The following RGS9 variants were observed in gnomAD, a reference collection of about 807,000 sequenced individuals.
RGS9 encodes regulator of G protein signaling 9, also known as regulator of G-protein signalling 9.
In RGS9, 78 loss-of-function variants were observed where a neutral mutation model predicts 102.0. The ratio of observed to expected loss-of-function variants is 0.76; its 90% CI spans 0.64 to 0.92. RGS9 has a LOEUF of 0.92. RGS9 is among the 40% of genes least tolerant of loss of function. The probability of loss-of-function intolerance (pLI) is 0.00; values close to 1 mark genes in which losing one functional copy is unlikely to be tolerated. For synonymous variants in RGS9, 353 were observed against 318.6 expected (o/e 1.11, Z -1.15); for missense variants, 833 against 866.1 (o/e 0.96, Z 0.48).
intron 7 of RGS9, among the ~76,000 whole-genome samples, chr17:65,164,018 A>T (rs1347369377): frequency 2.6e-5 from 4 of 152,192 alleles, no homozygotes; most frequent in African/African-American, 9.6e-5. Context: ...GCCATATCAG[A>T]ACTGGAACTG....
chr17:65,160,958 GTT>G, intron 6 of RGS9, 49 bp downstream of exon 6: 1 of 1,461,350 alleles, frequency 6.8e-7, no homozygotes, highest in Non-Finnish European at 9.6e-7. Context: ...GTGGAAGATA[GTT>G]TTGAGCTGTA....
chr17:65,144,232 A>G (rs1229442332), intron 1 of RGS9, among the ~76,000 whole-genome samples: 45 of 152,154 alleles, frequency 3.0e-4, no homozygotes, highest in Non-Finnish European at 4.4e-5. Flanking sequence ...CCATCTTTGT[A>G]TAGAAAAGTA....
chr17:65,199,601 C>T (rs898928064), intron 13 of RGS9, among the ~76,000 whole-genome samples: 13 of 145,310 alleles, frequency 8.9e-5, no homozygotes, highest in Non-Finnish European at 6.0e-5. Flanking sequence ...TCAAGTGATT[C>T]TCCTGCCTCA....
At chr17:65,181,091 T>C (rs1217778127) in intron 9 of RGS9, among the ~76,000 whole-genome samples, 1 of 152,238 alleles carries the variant, frequency 6.6e-6, no homozygotes, top group Non-Finnish European at 1.5e-5. Flanking sequence ...CTATTGTGAA[T>C]AGTGCTGCAG....
In RGS9 at chr17:65,137,517, C is replaced by A. The variant is rs749343066; in HGVS notation, c.-24C>A. The A allele has an allele frequency of 5.6e-6, 9 of 1,609,846 alleles. No homozygotes were observed. The African/African-American group carries it at 1.2e-4, about 22-fold the overall frequency. The stretch of plus-strand genomic sequence containing the variant: ...CTCTTGTCTCCCACTGGTGCTCTGG[C>A]TGTGAATCCATCCAGGGGCCAGGAT... On this transcript the variant is annotated 5_prime_UTR_variant, in exon 1 of 19. The change creates a new upstream start codon in the 5' untranslated region. Coordinates refer to ENST00000262406, the MANE Select transcript of RGS9 (RefSeq NM_003835.4).
intron 17 of RGS9, among the ~76,000 whole-genome samples, chr17:65,214,662 G>T (rs1913422373): frequency 6.6e-6 from 1 of 152,206 alleles, no homozygotes; most frequent in Admixed American, 6.5e-5. Flanking sequence ...AGGAAAAGGT[G>T]CTCCCTCCAA....
At chr17:65,199,833 T>C (rs1246997565) in intron 13 of RGS9, among the ~76,000 whole-genome samples, 3 of 146,926 alleles carry the variant, frequency 2.0e-5, no homozygotes, top group African/African-American at 7.5e-5. Flanking sequence ...ATTTCCTTCA[T>C]TCCTTTTTAA....
chr17:65,137,390 A>C lies in RGS9; in HGVS notation c.-151A>C. 1 of 733,854 alleles carries C rather than the reference A, an allele frequency of 1.4e-6. No individual in the cohort carries two copies. The highest frequency in any genetic ancestry group is 2.4e-6 in the Non-Finnish European group (1 of 417,928). The allele number at this position is 733,854 out of a possible 1,614,324, so 45.5% of individuals were successfully genotyped here. On this transcript the variant is annotated 5_prime_UTR_variant, in exon 1 of 19. Coordinates refer to ENST00000262406, the MANE Select transcript of RGS9 (RefSeq NM_003835.4). The stretch of plus-strand genomic sequence containing the variant: ...TTCCAAGTCAGCGGCGCCTAGTGAG[A>C]GTCAGGGGGGCCCGGCCCGCGCCCT...
intron 18 of RGS9, among the ~76,000 whole-genome samples, chr17:65,226,919 T>C (rs1390088194): frequency 6.6e-6 from 1 of 152,114 alleles, no homozygotes; most frequent in Non-Finnish European, 1.5e-5. Context: ...CCAGCACCCA[T>C]GAAGTCAGTT....
intron 1 of RGS9, among the ~76,000 whole-genome samples, chr17:65,153,010 C>T (rs1910637646): frequency 6.6e-6 from 1 of 152,224 alleles, no homozygotes. Flanking sequence ...GCTTTGAGGT[C>T]CATGTGGTCT....
Position 65,189,287 on chromosome 17 carries a change from AAC to A in RGS9, c.658_659del (p.Gln220AsnfsTer35), listed in dbSNP as rs771359701. On this transcript the variant is annotated frameshift_variant and splice_region_variant, in exon 10 of 19. Coordinates refer to ENST00000262406, the MANE Select transcript of RGS9 (RefSeq NM_003835.4). LOFTEE classifies it high-confidence loss of function. ...CGGTTTTGTTTCTTTGTCTTACAGA[AAC>A]AAACAGTCGTTGCTGTCAAAAAAGA... is the stretch of plus-strand genomic sequence containing the variant. 6.2e-7 allele frequency: 1 copy of A among 1,612,154 alleles called. No homozygotes were observed. Among genetic ancestry groups the A allele is most frequent in the Admixed American group, 1.7e-5 (1 of 60,020 alleles).
rs542041393 is a variant in RGS9 at position 65,221,050 on chromosome 17, T to C, written c.1408-3952T>C. On this transcript the variant is annotated intron_variant, in intron 17 of 18. Transcript: ENST00000262406. ...CCAGGCTCCATGGGAGGGACCAAGG[T>C]GGGGAATTGTGGGAACGGGTGGAAA... is the stretch of plus-strand genomic sequence containing the variant. 2.6e-5 allele frequency among the ~76,000 whole-genome samples: 4 copies of C among 151,788 alleles called. No homozygotes were observed. In the South Asian group the frequency reaches 8.3e-4, roughly 32 times the overall value.
intron 13 of RGS9, among the ~76,000 whole-genome samples, chr17:65,198,421 A>G (rs1181390204): frequency 6.6e-6 from 1 of 152,058 alleles, no homozygotes; most frequent in Non-Finnish European, 1.5e-5. Flanking sequence ...ACACCTGGCT[A>G]ATTTTTGTAT....
intron 17 of RGS9, among the ~76,000 whole-genome samples, chr17:65,217,678 G>C (rs746783729): frequency 8.5e-5 from 13 of 152,262 alleles, no homozygotes; most frequent in Middle Eastern, 3.4e-3. Context: ...CCAAAGGACA[G>C]CGTGAGGTGG....
At chr17:65,163,383 G>A (rs1024434094) in intron 7 of RGS9, among the ~76,000 whole-genome samples, 7 of 151,428 alleles carry the variant, frequency 4.6e-5, no homozygotes, top group Admixed American at 2.6e-4. Context: ...TAGTAGAGAC[G>A]GGGTTTCACC....
chr17:65,210,672 T>A, intron 17 of RGS9, 67 bp downstream of exon 17: 1 of 1,603,422 alleles, frequency 6.2e-7, no homozygotes, highest in South Asian at 1.1e-5. Context: ...AATCTGTGAT[T>A]CCTGGGGGTG....
chr17:65,227,485 C>A lies in RGS9; in HGVS notation c.*78C>A. ...ATGCCATGGTATGGGCCACAGGACA[C>A]ACTTGCTCGAGAACCAAAGTGCATT... On this transcript the variant is annotated 3_prime_UTR_variant, in exon 19 of 19. Coordinates refer to ENST00000262406, the MANE Select transcript of RGS9 (RefSeq NM_003835.4). The A allele has an allele frequency of 6.5e-7, 1 of 1,541,876 alleles. No homozygotes were observed. The highest frequency in any genetic ancestry group is 8.8e-7 in the Non-Finnish European group (1 of 1,137,052).
intron 9 of RGS9, among the ~76,000 whole-genome samples, chr17:65,182,776 T>C (rs112007886): frequency 0.042 from 6,437 of 152,266 alleles, 232 homozygotes; most frequent in African/African-American, 0.081. Flanking sequence ...GCCTACGTCC[T>C]GCACCCAGGG....
In RGS9 at chr17:65,160,323, G is replaced by A. The variant is rs199644053; in HGVS notation, c.296G>A (p.Ser99Asn). 193 of 1,613,638 alleles carry A rather than the reference G, an allele frequency of 1.2e-4. No individual in the cohort carries two copies. The highest frequency in any genetic ancestry group is 9.9e-4 in the Middle Eastern group (6 of 6,082). ...AATCTCATTCTCAAGCCTGATGGCAGCCTCTACAGATTTCAGGTGAGTCTT... is the reference window on the plus strand; with the variant it reads ...AATCTCATTCTCAAGCCTGATGGCAACCTCTACAGATTTCAGGTGAGTCTT... ...PKNLILKPDG[S>N]LYRFQTPYFW... Residue 99 changes from serine (S) to asparagine (N), a missense_variant, in exon 4 of 19, where the codon AGC (serine) becomes AAC (asparagine). Ser to Asn is a conservative substitution (Grantham distance 46, BLOSUM62 1). This residue lies in a region of RGS9 where 328 missense variants were observed against 340.6 expected (regional missense o/e 0.96). Coordinates refer to ENST00000262406, the MANE Select transcript of RGS9 (RefSeq NM_003835.4).
Sources: gnomAD v4.1 joint callset for allele counts (sites outside exome capture counted in the v4.1 genomes callset) on GRCh38, gnomAD v4.1.1 for gene constraint, gnomAD v4.1.1 regional missense constraint, MANE v1.5 for transcripts, NCBI Gene and HGNC (gene_info 2026-07-23, HGNC 2026-07-21) for gene names.